Variants in OXR1 observed in about 807,000 individuals in gnomAD.
The protein encoded by OXR1 is oxidation resistance 1, also known as oxidation resistance protein 1.
In OXR1, 41 loss-of-function variants were observed where a neutral mutation model predicts 104.6. The observed-to-expected ratio is 0.39, with a 90% CI of 0.31 to 0.51. The LOEUF is 0.51. Among genes scored for constraint, OXR1 ranks in the 20% least tolerant of loss-of-function variants. The pLI is 0.77. For synonymous variants in OXR1, 348 were observed against 348.4 expected (o/e 1.00, Z 0.01); for missense variants, 955 against 1,031.9 (o/e 0.93, Z 1.02).
intron 3 of OXR1, among the ~76,000 whole-genome samples, chr8:106,533,310 A>T (rs1433417678): frequency 6.6e-6 from 1 of 152,262 alleles, no homozygotes; most frequent in African/African-American, 2.4e-5. Context: ...GCTAGTAATT[A>T]GGAAAACAAA....
intron 2 of OXR1, among the ~76,000 whole-genome samples, chr8:106,364,513 G>C (rs1816384588): frequency 6.6e-6 from 1 of 152,136 alleles, no homozygotes; most frequent in Admixed American, 6.5e-5. Flanking sequence ...CCAGGAGGCA[G>C]AGGTTGCAGT....
chr8:106,697,658 C>G (rs1158235987), intron 7 of OXR1: 1 of 1,614,084 alleles, frequency 6.2e-7, no homozygotes, highest in Non-Finnish European at 8.5e-7. Context: ...ATGTTCTTTC[C>G]TTCCCAGAGG....
chr8:106,407,421 C>G (rs777265631), intron 2 of OXR1, among the ~76,000 whole-genome samples: 24 of 152,118 alleles, frequency 1.6e-4, no homozygotes, highest in Admixed American at 1.4e-3. Context: ...GTGCCCACTG[C>G]AAATCAATAT....
chr8:106,564,347 T>C (rs558564688), intron 3 of OXR1, among the ~76,000 whole-genome samples: 2 of 152,040 alleles, frequency 1.3e-5, no homozygotes, highest in Non-Finnish European at 2.9e-5. Context: ...CAGAGAATAC[T>C]ATAAACACCT....
chr8:106,508,649 G>C (rs978559452), intron 2 of OXR1, among the ~76,000 whole-genome samples: 1 of 152,160 alleles, frequency 6.6e-6, no homozygotes, highest in African/African-American at 2.4e-5. Flanking sequence ...ATGACTTAAG[G>C]ATGTTTTATA....
At chr8:106,687,938 A>G (rs1406557212) in intron 6 of OXR1, among the ~76,000 whole-genome samples, 1 of 152,228 alleles carries the variant, frequency 6.6e-6, no homozygotes, top group Non-Finnish European at 1.5e-5. Flanking sequence ...GATAACTCAG[A>G]AACACTACTC....
chr8:106,743,386 A>G (rs539037096), intron 15 of OXR1, among the ~76,000 whole-genome samples: 3 of 152,302 alleles, frequency 2.0e-5, no homozygotes, highest in African/African-American at 7.2e-5. Flanking sequence ...CAGTGGCATG[A>G]TCTCAGCTCA....
At chr8:106,690,400 C>T (rs928074744) in intron 6 of OXR1, among the ~76,000 whole-genome samples, 1 of 150,972 alleles carries the variant, frequency 6.6e-6, no homozygotes, top group African/African-American at 2.4e-5. Context: ...ATAGATTATA[C>T]TGTAATTATA....
At chr8:106,712,158 G>A (rs1040450887) in intron 10 of OXR1, among the ~76,000 whole-genome samples, 1 of 151,524 alleles carries the variant, frequency 6.6e-6, no homozygotes, top group Non-Finnish European at 1.5e-5. Context: ...TTTTAATAAT[G>A]TCATTCAATT....
At chr8:106,511,467 G>T (rs1299560193) in intron 2 of OXR1, among the ~76,000 whole-genome samples, 3 of 152,070 alleles carry the variant, frequency 2.0e-5, no homozygotes, top group Non-Finnish European at 2.9e-5. Context: ...GAAATTACTG[G>T]AAAGGACTAC....
intron 1 of OXR1, among the ~76,000 whole-genome samples, chr8:106,346,962 G>C (rs964970160): frequency 1.3e-5 from 2 of 152,202 alleles, no homozygotes; most frequent in Non-Finnish European, 2.9e-5. Flanking sequence ...AGAATGGCGT[G>C]AACCCAGGAG....
chr8:106,466,786 G>C (rs1012704710), intron 2 of OXR1, among the ~76,000 whole-genome samples: 1 of 151,806 alleles, frequency 6.6e-6, no homozygotes, highest in Non-Finnish European at 1.5e-5. Flanking sequence ...TCTGTATACA[G>C]ACAATATCCT....
At chr8:106,377,092 G>A (rs116507312) in intron 2 of OXR1, among the ~76,000 whole-genome samples, 3 of 152,196 alleles carry the variant, frequency 2.0e-5, no homozygotes, top group East Asian at 1.9e-4. Flanking sequence ...CCACAAAAAG[G>A]GGGGAGAACT....
chr8:106,637,051 C>T (rs531248138), intron 3 of OXR1, among the ~76,000 whole-genome samples: 3 of 152,298 alleles, frequency 2.0e-5, no homozygotes, highest in Admixed American at 6.5e-5. Context: ...GTAGTCAAAT[C>T]GTAATCATTC....
intron 3 of OXR1, among the ~76,000 whole-genome samples, chr8:106,636,051 G>A (rs1823107078): frequency 6.6e-6 from 1 of 152,124 alleles, no homozygotes; most frequent in African/African-American, 2.4e-5. Context: ...CTCTGTTCTA[G>A]CCCTGTACTT....
At chr8:106,698,679 A>G (rs1830307797) in intron 7 of OXR1, among the ~76,000 whole-genome samples, 1 of 152,084 alleles carries the variant, frequency 6.6e-6, no homozygotes, top group Non-Finnish European at 1.5e-5. Context: ...CCTATCCAGC[A>G]TATTTCATCT....
At chr8:106,293,878 T>C (rs949122549) in intron 1 of OXR1, among the ~76,000 whole-genome samples, 7 of 152,170 alleles carry the variant, frequency 4.6e-5, no homozygotes, top group South Asian at 4.1e-4. Context: ...CACTTTTGTA[T>C]TGGGGATAAA....
chr8:106,429,631 G>T (rs1169921739), intron 2 of OXR1, among the ~76,000 whole-genome samples: 2 of 146,662 alleles, frequency 1.4e-5, no homozygotes, highest in African/African-American at 5.2e-5. Flanking sequence ...CTGCACTCCA[G>T]CCTGGGCGAC....
intron 2 of OXR1, among the ~76,000 whole-genome samples, chr8:106,394,767 C>T (rs1817711612): frequency 1.3e-5 from 2 of 152,014 alleles, no homozygotes; most frequent in African/African-American, 4.8e-5. Flanking sequence ...AATAGTTGAC[C>T]AAAAGAGGCT....
Sources: allele counts gnomAD v4.1 joint callset (sites outside exome capture counted in the v4.1 genomes callset), GRCh38; gene constraint gnomAD v4.1.1; transcripts MANE v1.5; gene names NCBI Gene and HGNC (gene_info 2026-07-23, HGNC 2026-07-21).